COMMD7: variants seen among roughly 807,000 people sequenced by gnomAD.
COMMD7 encodes the protein COMM domain-containing protein 7.
Under a neutral mutation model 34.8 loss-of-function variants are expected in COMMD7, and 28 were observed. The observed-to-expected ratio is 0.80, with a 90% CI of 0.60 to 1.10. The LOEUF (loss-of-function observed/expected upper bound fraction) is 1.10, where lower values mean the gene tolerates loss of function less well. COMMD7 is among the 50% of genes least tolerant of loss of function. The pLI, the probability that COMMD7 is intolerant of heterozygous loss-of-function variation, is 0.00. For missense variants in COMMD7, 211 were observed against 241.6 expected, an observed-to-expected ratio of 0.87 and a Z score of 0.84; for synonymous variants, 80 against 86.4, an observed-to-expected ratio of 0.93 and a Z score of 0.41.
intron 1 of COMMD7, among the ~76,000 whole-genome samples, chr20:32,732,837 G>A (rs1390970472): frequency 6.6e-6 from 1 of 151,892 alleles, no homozygotes; most frequent in African/African-American, 2.4e-5. Flanking sequence ...TCGGGAGGCT[G>A]AGGCAGGAGA....
At chr20:32,714,475 G>T (rs979627636) in intron 3 of COMMD7, among the ~76,000 whole-genome samples, 14 of 151,962 alleles carry the variant, frequency 9.2e-5, no homozygotes, top group East Asian at 1.9e-4. Context: ...ATCACCTGAG[G>T]TCAGGAGTTC....
At chr20:32,742,853 A>T (rs887525239) in intron 1 of COMMD7, among the ~76,000 whole-genome samples, 1 of 151,888 alleles carries the variant, frequency 6.6e-6, no homozygotes. Flanking sequence ...CACTCCCCTC[A>T]GGCTTCCTCG....
chr20:32,721,309 A>G (rs908513638), intron 3 of COMMD7, among the ~76,000 whole-genome samples: 1 of 152,032 alleles, frequency 6.6e-6, no homozygotes, highest in Non-Finnish European at 1.5e-5. Context: ...TCCTGACTCT[A>G]TTTATTTTTT....
intron 3 of COMMD7, among the ~76,000 whole-genome samples, chr20:32,718,127 G>A (rs1198273874): frequency 2.0e-5 from 3 of 151,900 alleles, no homozygotes; most frequent in East Asian, 1.9e-4. Context: ...AAGGGGAGCC[G>A]GGTGCGGTGG....
intron 3 of COMMD7, among the ~76,000 whole-genome samples, chr20:32,709,292 G>A (rs1019674555): frequency 4.6e-5 from 7 of 151,830 alleles, no homozygotes; most frequent in East Asian, 2.0e-4. Context: ...AAAATTAGCC[G>A]GGTGTGGTGG....
chr20:32,705,046 G>A (rs1983982623), intron 5 of COMMD7, 142 bp from the exon 6 acceptor site: 2 of 640,490 alleles, frequency 3.1e-6, no homozygotes, highest in Admixed American at 4.8e-5. Context: ...AGAACGAAGG[G>A]CTCAGTCTAT....
At chr20:32,741,904 AG>A (rs1663803839) in intron 1 of COMMD7, among the ~76,000 whole-genome samples, 1 of 152,000 alleles carries the variant, frequency 6.6e-6, no homozygotes, top group Admixed American at 6.6e-5. Context: ...AGATAAACTC[AG>A]GGCTGGGCAC....
chr20:32,732,296 G>A (rs566059683), intron 1 of COMMD7, among the ~76,000 whole-genome samples: 71 of 151,972 alleles, frequency 4.7e-4, no homozygotes, highest in Non-Finnish European at 8.2e-4. Context: ...TCACAATGTT[G>A]CCCCAGCTCA....
chr20:32,743,436 G>GCTCAGCTTCCTC lies in COMMD7; in HGVS notation c.-57_-46dup. ...CAGGTTCCACCGCCGCCGCCGCCCT[G>GCTCAGCTTCCTC]CTCAGCTTCCTCCTCCGCTGCCGCT... is the stretch of plus-strand genomic sequence containing the variant. On this transcript the variant is annotated 5_prime_UTR_variant, in exon 1 of 9. Coordinates refer to ENST00000278980, the MANE Select transcript of COMMD7 (RefSeq NM_053041.3). 7.9e-7 allele frequency: 1 copy of GCTCAGCTTCCTC among 1,264,946 alleles called. No homozygotes were observed. The highest frequency in any genetic ancestry group is 1.0e-6 in the Non-Finnish European group (1 of 995,582). 78.4% of individuals were successfully genotyped at this position (1,264,946 alleles called of 1,614,324 possible).
At chr20:32,728,793 T>A (rs1390964130) in intron 1 of COMMD7, among the ~76,000 whole-genome samples, 4 of 152,030 alleles carry the variant, frequency 2.6e-5, no homozygotes, top group Non-Finnish European at 5.9e-5. Context: ...CTCAAACTCC[T>A]GGGCTCAAGT....
chr20:32,735,448 C>A (rs944462022), intron 1 of COMMD7, among the ~76,000 whole-genome samples: 7 of 151,462 alleles, frequency 4.6e-5, no homozygotes. Flanking sequence ...TCCTGAGTAG[C>A]TGGGATTATA....
rs781479293 is a variant in COMMD7, at chr20:32,728,150, G to GA, written c.85-9dup. ...TGTCAGGGCTGAGAACTGCTGTGAA[G>GA]AAAACAACACAGAACATCAGTACAA... On this transcript the variant is annotated splice_polypyrimidine_tract_variant and intron_variant, in intron 1 of 8. Transcript: ENST00000278980. The GA allele has an allele frequency of 1.9e-6, 3 of 1,613,792 alleles. No homozygotes were observed. Among genetic ancestry groups the GA allele is most frequent in the Admixed American group, 3.3e-5 (2 of 59,962 alleles).
chr20:32,718,545 A>G (rs1488977888), intron 3 of COMMD7, among the ~76,000 whole-genome samples: 1 of 152,088 alleles, frequency 6.6e-6, no homozygotes, highest in Non-Finnish European at 1.5e-5. Flanking sequence ...CTAAAATACA[A>G]AAAATCAGCT....
At chr20:32,712,783 ACT>A (rs1984551838) in intron 3 of COMMD7, among the ~76,000 whole-genome samples, 1 of 113,668 alleles carries the variant, frequency 8.8e-6, no homozygotes, top group South Asian at 2.7e-4. Flanking sequence ...ACAGAGTCTC[ACT>A]CTGTCCCCCA....
At chr20:32,736,396 C>G (rs1986129967) in intron 1 of COMMD7, among the ~76,000 whole-genome samples, 1 of 152,136 alleles carries the variant, frequency 6.6e-6, no homozygotes, top group African/African-American at 2.4e-5. Context: ...GGTAGCTGGG[C>G]CTGGTGGCTC....
At chr20:32,727,534 CAAAAAAAAAAA>C (rs11480967) in intron 3 of COMMD7, among the ~76,000 whole-genome samples, 1 of 83,980 alleles carries the variant, frequency 1.2e-5, no homozygotes, top group African/African-American at 4.0e-5. Flanking sequence ...GATTCTGTCT[CAAAAAAAAAAA>C]AAAAAAAAGT....
intron 3 of COMMD7, among the ~76,000 whole-genome samples, chr20:32,722,394 C>T (rs997109720): frequency 1.3e-5 from 2 of 151,974 alleles, no homozygotes; most frequent in Non-Finnish European, 2.9e-5. Flanking sequence ...CAGACAAACC[C>T]ATTTCCAAAG....
rs532535922 is a variant in COMMD7, at chr20:32,728,211, A to T, written c.85-69T>A. The T allele has an allele frequency of 7.5e-4, 1,069 of 1,432,320 alleles. 29 individuals are homozygous for T. In the East Asian group the frequency reaches 0.024, roughly 33 times the overall value. 88.7% of individuals were successfully genotyped at this position (1,432,320 alleles called of 1,614,324 possible). Reference sequence around the variant, plus strand: ...TGGGTCAGCATGCCCCACCCCAGGCAACTGCATAGCCTTGAGAGGGAAGAA... The same window carrying T: ...TGGGTCAGCATGCCCCACCCCAGGCTACTGCATAGCCTTGAGAGGGAAGAA... On this transcript the variant is annotated intron_variant, in intron 1 of 8. Coordinates refer to ENST00000278980, the MANE Select transcript of COMMD7 (RefSeq NM_053041.3).
At chr20:32,728,204 C>A in intron 1 of COMMD7, 62 bp from the exon 2 acceptor site, 1 of 1,472,360 alleles carries the variant, frequency 6.8e-7, no homozygotes, top group Non-Finnish European at 9.5e-7. Flanking sequence ...CATGCCCCAC[C>A]CCAGGCAACT....
Sources: gnomAD v4.1 joint callset for allele counts (sites outside exome capture counted in the v4.1 genomes callset) on GRCh38, gnomAD v4.1.1 for gene constraint, MANE v1.5 for transcripts, NCBI Gene and HGNC (gene_info 2026-07-23, HGNC 2026-07-21) for gene names.